NOMO1: variants seen among roughly 807,000 people sequenced by gnomAD.
The protein encoded by NOMO1 is nodal modulator 3.
In NOMO1, 40 loss-of-function variants were observed where a neutral mutation model predicts 133.8. That is an observed-to-expected ratio of 0.30 (90% confidence interval 0.23 to 0.39). NOMO1 has a LOEUF of 0.39. Among genes scored for constraint, NOMO1 ranks in the 10% least tolerant of loss-of-function variants. The pLI is 1.00. For missense variants in NOMO1, 462 were observed against 1,419.9 expected (o/e 0.33, Z 10.84); for synonymous variants, 236 against 570.5 (o/e 0.41, Z 8.36).
At chr16:14,869,216 G>C (rs1312942594) in intron 16 of NOMO1, among the ~76,000 whole-genome samples, 3 of 151,816 alleles carry the variant, frequency 2.0e-5, no homozygotes, top group Non-Finnish European at 4.4e-5. Flanking sequence ...GGGATTACAG[G>C]TGTGAGCTGC....
chr16:14,875,841 G>T (rs2151006511), intron 20 of NOMO1, among the ~76,000 whole-genome samples: 1 of 151,760 alleles, frequency 6.6e-6, no homozygotes, highest in East Asian at 1.9e-4. Flanking sequence ...TTTTTTTGGG[G>T]AATGGATGAC....
chr16:14,874,406 G>A (rs1045869636), intron 18 of NOMO1, among the ~76,000 whole-genome samples: 1 of 151,948 alleles, frequency 6.6e-6, no homozygotes, highest in Admixed American at 6.5e-5. Flanking sequence ...ACTTGGCATC[G>A]CTTTTCCCAA....
rs1963914151 is a variant in NOMO1 at position 14,860,877 on chromosome 16, C to T, written c.1221-2136C>T. On this transcript the variant is annotated intron_variant, in intron 11 of 30. Transcript: ENST00000287667. Reference sequence around the variant, plus strand: ...TTTCCTTTTTATTTTTTTTTTGAGACAGGGTCTTACTCCGTTGCCCAGGCT... The same window carrying T: ...TTTCCTTTTTATTTTTTTTTTGAGATAGGGTCTTACTCCGTTGCCCAGGCT... Among the ~76,000 whole-genome samples the T allele has an allele frequency of 2.6e-5, 4 of 151,142 alleles. No individual in the cohort carries two copies. In the South Asian group the frequency reaches 8.4e-4, roughly 32 times the overall value.
intron 11 of NOMO1, among the ~76,000 whole-genome samples, chr16:14,859,635 C>G (rs60141659): frequency 3.3e-5 from 5 of 151,932 alleles, no homozygotes; most frequent in East Asian, 1.9e-4. Context: ...GGCAACTTGG[C>G]AAAACACCAT....
chr16:14,855,978 AAAAAAAAT>A (rs1177199711), intron 9 of NOMO1, among the ~76,000 whole-genome samples: 1 of 152,062 alleles, frequency 6.6e-6, no homozygotes, highest in South Asian at 2.1e-4. Flanking sequence ...CATTTGCTGA[AAAAAAAAT>A]AAAAAAATAA....
In NOMO1 at chr16:14,867,905, T is replaced by C. The variant is rs1327881396; in HGVS notation, c.1807-643T>C. Reference sequence around the variant, plus strand: ...CTTGTAATAAGATCCTTTTTTTTTTTTTTTTGACACTTCCTTAACCCCTTC... The same window carrying C: ...CTTGTAATAAGATCCTTTTTTTTTTCTTTTTGACACTTCCTTAACCCCTTC... On this transcript the variant is annotated intron_variant, in intron 15 of 30. Coordinates refer to ENST00000287667, the MANE Select transcript of NOMO1 (RefSeq NM_014287.4). 2.3e-5 allele frequency among the ~76,000 whole-genome samples: 3 copies of C among 132,282 alleles called. No individual in the cohort carries two copies. In the East Asian group the frequency reaches 6.0e-4, roughly 27 times the overall value. 86.8% of individuals were successfully genotyped at this position (132,282 alleles called of 152,430 possible). A position where few individuals can be genotyped will look rare whatever the true frequency, so the allele number is the denominator to read the frequency against.
At position 14,833,729 on chromosome 16, in the gene NOMO1, C is replaced by G; in HGVS notation, c.-123C>G. ...AAGCGCGCGTGCGCGGCGGCTCTGG[C>G]GGCGGCGGTGGGGCGGGGCCTGGGC... On this transcript the variant is annotated 5_prime_UTR_variant, in exon 1 of 31. Transcript: ENST00000287667. 8.7e-7 allele frequency: 1 copy of G among 1,145,008 alleles called. No individual in the cohort carries two copies. Among genetic ancestry groups the G allele is most frequent in the Non-Finnish European group, 1.1e-6 (1 of 894,736 alleles). 70.9% of individuals were successfully genotyped at this position (1,145,008 alleles called of 1,614,324 possible).
chr16:14,866,511 G>A (rs1445639896), intron 14 of NOMO1, 44 bp from the exon 15 acceptor site: 1 of 1,610,212 alleles, frequency 6.2e-7, no homozygotes, highest in Non-Finnish European at 8.5e-7. Context: ...GGGAGGTGGT[G>A]TGCTCCACGC....
At position 14,892,176 on chromosome 16, in the gene NOMO1, CAG is replaced by C. The variant is rs562064331; in HGVS notation, c.3445-2819_3445-2818del. ...GCAGGAGAATTGTGAACCTGGGATG[CAG>C]AGTTTGTAGTGAGCTAAGATAGCCC... On this transcript the variant is annotated intron_variant, in intron 29 of 30. Coordinates refer to ENST00000287667, the MANE Select transcript of NOMO1 (RefSeq NM_014287.4). 7.7e-3 allele frequency among the ~76,000 whole-genome samples: 1,173 copies of C among 151,518 alleles called. 13 individuals are homozygous for C. The highest frequency in any genetic ancestry group is 0.012 in the South Asian group (57 of 4,792).
At chr16:14,859,583 G>A (rs1379708523) in intron 11 of NOMO1, among the ~76,000 whole-genome samples, 2 of 152,020 alleles carry the variant, frequency 1.3e-5, no homozygotes, top group Non-Finnish European at 2.9e-5. Context: ...GGGAGGCAGA[G>A]GTGGGCGGAT....
At chr16:14,845,640 G>A (rs1246735514) in intron 4 of NOMO1, among the ~76,000 whole-genome samples, 1 of 151,910 alleles carries the variant, frequency 6.6e-6, no homozygotes, top group Non-Finnish European at 1.5e-5. Flanking sequence ...CTGCGGTTGA[G>A]ATGTGCTTCC....
rs1002193674 is a variant in NOMO1, at chr16:14,869,691, T to A, written c.1894+1056T>A. Among the ~76,000 whole-genome samples, 5 of 151,438 alleles carry A rather than the reference T, an allele frequency of 3.3e-5. No individual in the cohort carries two copies. In the East Asian group the frequency reaches 9.7e-4, roughly 29 times the overall value. On this transcript the variant is annotated intron_variant, in intron 16 of 30. Coordinates refer to ENST00000287667, the MANE Select transcript of NOMO1 (RefSeq NM_014287.4). ...GTTTCCAGTTTGACGCTGTTATGAC[T>A]AATGTTACGGACATTCTTGTACAAG... is the stretch of plus-strand genomic sequence containing the variant.
chr16:14,853,005 A>G (rs1434858389), intron 7 of NOMO1: 1 of 209,050 alleles, frequency 4.8e-6, no homozygotes, highest in East Asian at 1.3e-4. Context: ...TCTCAAAAAA[A>G]AAAAAAAAAA....
chr16:14,860,529 A>AGG (rs1963908452), intron 11 of NOMO1, among the ~76,000 whole-genome samples: 1 of 151,664 alleles, frequency 6.6e-6, no homozygotes, highest in Non-Finnish European at 1.5e-5. Flanking sequence ...GGTTGTCTGG[A>AGG]GGAGATATGG....
intron 11 of NOMO1, chr16:14,862,779 G>GCC (rs1963938570): frequency 1.8e-6 from 1 of 563,182 alleles, no homozygotes; most frequent in South Asian, 2.2e-5. Flanking sequence ...CCCACTACGG[G>GCC]CCCCTGTTCT....
intron 27 of NOMO1, among the ~76,000 whole-genome samples, chr16:14,885,740 G>C (rs960199624): frequency 4.6e-5 from 7 of 151,790 alleles, no homozygotes; most frequent in African/African-American, 1.7e-4. Flanking sequence ...AGGGGAGGGC[G>C]CCACTCTCTT....
intron 1 of NOMO1, among the ~76,000 whole-genome samples, chr16:14,835,743 T>C (rs1567534314): frequency 6.6e-6 from 1 of 151,976 alleles, no homozygotes; most frequent in Non-Finnish European, 1.5e-5. Context: ...ATGAAAGATG[T>C]AGAAATAATC....
chr16:14,864,857 G>A, intron 13 of NOMO1, 131 bp downstream of exon 13: 3 of 1,374,568 alleles, frequency 2.2e-6, no homozygotes, highest in Non-Finnish European at 3.1e-6. Context: ...AGGCTTCTTG[G>A]AGTCAAGTGG....
intron 1 of NOMO1, among the ~76,000 whole-genome samples, chr16:14,837,239 G>C (rs562329572): frequency 7.9e-5 from 12 of 151,826 alleles, no homozygotes; most frequent in Non-Finnish European, 1.6e-4. Context: ...GGTCTCCTGG[G>C]CTCAAGTGAT....
Sources: gnomAD v4.1 joint callset for allele counts (sites outside exome capture counted in the v4.1 genomes callset) on GRCh38, gnomAD v4.1.1 for gene constraint, MANE v1.5 for transcripts, NCBI Gene and HGNC (gene_info 2026-07-23, HGNC 2026-07-21) for gene names.